NEK11: variants seen among roughly 807,000 people sequenced by gnomAD.
NEK11 encodes serine/threonine-protein kinase Nek11.
A neutral mutation model predicts 80.7 loss-of-function variants in NEK11; 72 were observed. That is an observed-to-expected ratio of 0.89 (90% CI 0.74 to 1.08). The LOEUF (loss-of-function observed/expected upper bound fraction) is 1.08, where lower values mean the gene tolerates loss of function less well. NEK11 is among the 50% of genes least tolerant of loss of function. The pLI is 0.00. For missense variants in NEK11, 764 were observed against 763.6 expected (o/e 1.00, Z -0.01); for synonymous variants, 251 against 260.7 (o/e 0.96, Z 0.36).
intron 9 of NEK11, 26 bp downstream of exon 9, chr3:131,152,735 G>A: frequency 6.7e-7 from 1 of 1,500,150 alleles, no homozygotes; most frequent in Non-Finnish European, 9.3e-7. Context: ...GGGATTCTGG[G>A]AAACAGGTAT....
chr3:131,151,261 C>T (rs960032952), intron 7 of NEK11, among the ~76,000 whole-genome samples: 1 of 151,950 alleles, frequency 6.6e-6, no homozygotes, highest in Non-Finnish European at 1.5e-5. Context: ...AAATATTACA[C>T]GGGCTCTATT....
chr3:131,106,385 T>C (rs1414075094), intron 4 of NEK11, among the ~76,000 whole-genome samples: 3 of 152,004 alleles, frequency 2.0e-5, no homozygotes, highest in Non-Finnish European at 4.4e-5. Flanking sequence ...TCTATTTGAC[T>C]CTTGCTTTTA....
rs772679025 is a variant in NEK11, at chr3:131,152,692, C to A, written c.859C>A (p.Leu287Ile). The change falls in exon 9 of 18, where the codon CTT (leucine) becomes ATT (isoleucine). Residue 287 changes from leucine (L) to isoleucine (I), a missense_variant. Leu to Ile is a conservative substitution (Grantham distance 5). Transcript: ENST00000383366. ...SAIEILKIPY[L>I]DEQLQNLMCR... ...TATCGAAATTTTAAAAATCCCTTAC[C>A]TTGATGAGCAGCTACAGGTATTTAA... is the stretch of plus-strand genomic sequence containing the variant. The A allele has an allele frequency of 6.2e-7, 1 of 1,611,588 alleles. No homozygotes were observed. Among genetic ancestry groups the A allele is most frequent in the Non-Finnish European group, 8.5e-7 (1 of 1,178,090 alleles).
chr3:131,084,272 A>G (rs897640782), intron 4 of NEK11, among the ~76,000 whole-genome samples: 1 of 152,246 alleles, frequency 6.6e-6, no homozygotes, highest in Non-Finnish European at 1.5e-5. Context: ...TTTCTATCAC[A>G]TCGTGGACCC....
chr3:131,236,328 C>T lies in NEK11; in HGVS notation c.1561-7108C>T, dbSNP rs569548497. Among the ~76,000 whole-genome samples, 17 of 152,236 alleles carry T rather than the reference C, an allele frequency of 1.1e-4. No individual in the cohort carries two copies. The South Asian group carries it at 2.9e-3, about 26-fold the overall frequency. On this transcript the variant is annotated intron_variant, in intron 15 of 17. Transcript: ENST00000383366. ...CACCAGTTCCTGGAAAATCCATTGC[C>T]CTGTTTTGGGTAGGTGTTACGTTGC...
chr3:131,243,494 T>A lies in NEK11; in HGVS notation c.1619T>A (p.Leu540Gln), dbSNP rs747507358. The change falls in exon 16 of 18, where the codon CTA (leucine) becomes CAA (glutamine). Residue 540 changes from leucine to glutamine, a missense_variant and splice_region_variant. Coordinates refer to ENST00000383366, the MANE Select transcript of NEK11 (RefSeq NM_024800.5). The stretch of plus-strand genomic sequence containing the variant: ...GAAAATGTCCTGGGTTGCACTTCTC[T>A]AGGTGAGTAAGTTCCTTTAGGCTTC... ...CLENVLGCTS[L>Q]DTKTITTMAE... 1 of 1,611,298 alleles carries A rather than the reference T, an allele frequency of 6.2e-7. No individual in the cohort carries two copies. Among genetic ancestry groups the A allele is most frequent in the African/African-American group, 1.3e-5 (1 of 74,814 alleles).
intron 17 of NEK11, among the ~76,000 whole-genome samples, chr3:131,303,180 G>C (rs1238462254): frequency 6.6e-6 from 1 of 152,004 alleles, no homozygotes. Context: ...CATTTTTGTG[G>C]CAGATTTTTC....
intron 14 of NEK11, among the ~76,000 whole-genome samples, chr3:131,204,927 T>C (rs2094398584): frequency 6.6e-6 from 1 of 152,188 alleles, no homozygotes. Flanking sequence ...TTCAAGATTT[T>C]CTCCATTGAG....
At chr3:131,183,955 C>T (rs912230782) in intron 14 of NEK11, among the ~76,000 whole-genome samples, 2 of 152,050 alleles carry the variant, frequency 1.3e-5, no homozygotes, top group Non-Finnish European at 1.5e-5. Flanking sequence ...TGTTGTTTCT[C>T]GACTTTTTAT....
At chr3:131,068,162 C>T (rs2072414158) in intron 3 of NEK11, among the ~76,000 whole-genome samples, 2 of 152,180 alleles carry the variant, frequency 1.3e-5, no homozygotes, top group Admixed American at 6.5e-5. Context: ...TCCCAAGCCT[C>T]TAGAGAACAC....
At chr3:131,348,169 A>C (rs1440447439) in intron 17 of NEK11, among the ~76,000 whole-genome samples, 1 of 152,162 alleles carries the variant, frequency 6.6e-6, no homozygotes, top group African/African-American at 2.4e-5. Flanking sequence ...ATAATAGCCC[A>C]ACTCCTAAAA....
chr3:131,212,565 G>A (rs111282378), intron 14 of NEK11, among the ~76,000 whole-genome samples: 37 of 152,292 alleles, frequency 2.4e-4, no homozygotes, highest in African/African-American at 7.7e-4. Context: ...CATCACTCGC[G>A]CTGGGAGCTG....
chr3:131,231,000 T>G (rs548233503), intron 15 of NEK11, among the ~76,000 whole-genome samples: 25 of 152,206 alleles, frequency 1.6e-4, no homozygotes, highest in African/African-American at 5.8e-4. Flanking sequence ...AAGACATGGC[T>G]TTCACCTTCC....
intron 12 of NEK11, among the ~76,000 whole-genome samples, chr3:131,168,092 G>A (rs968613073): frequency 1.3e-5 from 2 of 152,198 alleles, no homozygotes; most frequent in Non-Finnish European, 2.9e-5. Flanking sequence ...CAGGCATCCT[G>A]CCCTCTTTTG....
In NEK11 at chr3:131,221,895, A is replaced by C. The variant is rs927462911; in HGVS notation, c.1400-6633A>C. 2.6e-5 allele frequency among the ~76,000 whole-genome samples: 4 copies of C among 152,294 alleles called. No homozygotes were observed. The East Asian group carries it at 7.7e-4, about 29-fold the overall frequency. On this transcript the variant is annotated intron_variant, in intron 14 of 17. Transcript: ENST00000383366. ...ATTCCAGACCTACTGAATCAGAAAC[A>C]CTGGGTGTGGGAGCAAGAATCTGTT... is the stretch of plus-strand genomic sequence containing the variant.
intron 4 of NEK11, among the ~76,000 whole-genome samples, chr3:131,104,577 T>C (rs999637032): frequency 6.6e-6 from 1 of 151,780 alleles, no homozygotes; most frequent in African/African-American, 2.4e-5. Context: ...AATGTTCAGA[T>C]TGGGGTGGGG....
chr3:131,215,202 TC>T (rs1385442115), intron 14 of NEK11, among the ~76,000 whole-genome samples: 1 of 143,742 alleles, frequency 7.0e-6, no homozygotes, highest in Non-Finnish European at 1.5e-5. Context: ...ATGTTCTCAC[TC>T]ATAGGTGGGA....
intron 15 of NEK11, among the ~76,000 whole-genome samples, chr3:131,238,838 C>G (rs983481625): frequency 6.6e-6 from 1 of 152,078 alleles, no homozygotes; most frequent in Non-Finnish European, 1.5e-5. Context: ...GGCATATACA[C>G]AGGTGTATAC....
chr3:131,092,126 A>C (rs1343487457), intron 4 of NEK11, among the ~76,000 whole-genome samples: 1 of 152,188 alleles, frequency 6.6e-6, no homozygotes, highest in Non-Finnish European at 1.5e-5. Context: ...CCTATTAGTC[A>C]GTCTCTCAAA....
Sources: gnomAD v4.1 joint callset for allele counts (sites outside exome capture counted in the v4.1 genomes callset) on GRCh38, gnomAD v4.1.1 for gene constraint, MANE v1.5 for transcripts, NCBI Gene and HGNC (gene_info 2026-07-23, HGNC 2026-07-21) for gene names.